The following CLIP1 variants were observed in gnomAD, a reference collection of about 807,000 sequenced individuals.
CLIP1 encodes the protein CAP-Gly domain-containing linker protein 1.
In CLIP1, 66 loss-of-function variants were observed where a neutral mutation model predicts 161.6. That is an observed-to-expected ratio of 0.41 (90% CI 0.33 to 0.50). The LOEUF (loss-of-function observed/expected upper bound fraction) is 0.50, where lower values mean the gene tolerates loss of function less well. CLIP1 is among the 20% of genes least tolerant of loss of function. The pLI is 0.27. For missense variants in CLIP1, 1,376 were observed against 1,702.0 expected, an observed-to-expected ratio of 0.81 and a Z score of 3.37; for synonymous variants, 598 against 626.2, an observed-to-expected ratio of 0.96 and a Z score of 0.67.
At chr12:122,307,153 C>T (rs1950908167) in intron 20 of CLIP1, among the ~76,000 whole-genome samples, 1 of 151,734 alleles carries the variant, frequency 6.6e-6, no homozygotes, top group Non-Finnish European at 1.5e-5. Context: ...GGATTACAGG[C>T]GCCCGCCACC....
intron 8 of CLIP1, among the ~76,000 whole-genome samples, chr12:122,352,336 CG>C (rs1953080100): frequency 6.6e-6 from 1 of 152,122 alleles, no homozygotes; most frequent in Non-Finnish European, 1.5e-5. Flanking sequence ...GGATTACAGG[CG>C]TGAACCACCG....
intron 12 of CLIP1, 51 bp from the exon 13 acceptor site, chr12:122,334,756 G>A (rs1952136775): frequency 8.5e-7 from 1 of 1,174,744 alleles, no homozygotes; most frequent in African/African-American, 1.5e-5. Context: ...AAATTGTAAA[G>A]ACAAGAAGTT....
intron 24 of CLIP1, chr12:122,276,321 T>C: frequency 8.6e-7 from 1 of 1,159,786 alleles, no homozygotes; most frequent in African/African-American, 1.6e-5. Context: ...CATTATCGTG[T>C]TAAGAGCTCC....
rs1416992583 is a variant in CLIP1, at chr12:122,370,967, AAAG to A, written c.657+6419_657+6421del. ...AGCAGGACTCTGTCTCAAAAAAAAA[AAAG>A]AAAAAAAAAAAAATCACCTCTTCTA... On this transcript the variant is annotated intron_variant, in intron 3 of 25. Transcript: ENST00000620786. Among the ~76,000 whole-genome samples the A allele has an allele frequency of 3.4e-3, 387 of 114,304 alleles. 1 individual carries two copies. Among genetic ancestry groups the A allele is most frequent in the African/African-American group, 0.012 (367 of 29,484 alleles). 75.0% of individuals were successfully genotyped at this position (114,304 alleles called of 152,430 possible).
At chr12:122,332,959 CA>C in intron 15 of CLIP1, 27 bp downstream of exon 15, 4 of 1,598,734 alleles carry the variant, frequency 2.5e-6, no homozygotes, top group Non-Finnish European at 3.4e-6. Context: ...AACCTAAGGT[CA>C]GCACTCTTTT....
chr12:122,379,637 A>C (rs1476972534), intron 2 of CLIP1, among the ~76,000 whole-genome samples: 1 of 151,522 alleles, frequency 6.6e-6, no homozygotes, highest in Non-Finnish European at 1.5e-5. Flanking sequence ...ATAAAATTTT[A>C]CGTCTTTCAA....
At chr12:122,325,667 A>AT (rs35659636) in intron 17 of CLIP1, among the ~76,000 whole-genome samples, 82,379 of 151,376 alleles carry the variant, frequency 0.54, 24,010 homozygotes, top group Non-Finnish European at 0.64. Context: ...ATTTTTATTT[A>AT]TTTTTTGAGA....
chr12:122,369,374 C>G (rs955747402), intron 3 of CLIP1, among the ~76,000 whole-genome samples: 4 of 151,904 alleles, frequency 2.6e-5, no homozygotes, highest in Admixed American at 2.6e-4. Context: ...GCCAGTTCAC[C>G]TTCCAGCAAC....
chr12:122,378,983 G>C (rs1954873637), intron 2 of CLIP1, among the ~76,000 whole-genome samples: 1 of 151,930 alleles, frequency 6.6e-6, no homozygotes, highest in Non-Finnish European at 1.5e-5. Context: ...AAATTAGCCG[G>C]GCATGGTGGA....
chr12:122,337,504 G>A (rs567237115), intron 11 of CLIP1, among the ~76,000 whole-genome samples: 2 of 151,724 alleles, frequency 1.3e-5, no homozygotes, highest in East Asian at 1.9e-4. Context: ...GCCCAGGCTG[G>A]TCTCAAACTC....
chr12:122,297,022 C>A (rs1422191416), intron 20 of CLIP1, among the ~76,000 whole-genome samples: 2 of 151,736 alleles, frequency 1.3e-5, no homozygotes, highest in South Asian at 4.2e-4. Context: ...TGAAACTTTT[C>A]ATAATAAAAG....
intron 20 of CLIP1, among the ~76,000 whole-genome samples, chr12:122,299,870 C>T (rs903362972): frequency 1.6e-4 from 24 of 151,568 alleles, no homozygotes; most frequent in African/African-American, 2.7e-4. Context: ...GAGCTGAGAT[C>T]GTGCCACTGC....
At position 122,340,823 on chromosome 12, in the gene CLIP1, C is replaced by CT. The variant is rs773321159; in HGVS notation, c.2380dup (p.Arg794LysfsTer5). On this transcript the variant is annotated frameshift_variant, in exon 11 of 26. Transcript: ENST00000620786. LOFTEE classifies it high-confidence loss of function. ...TTTCTCAGCTGCCTCAAGCTGCTGTCTAAGTTTCTTCATTTCCGATTTACC... is the reference window on the plus strand; with the variant it reads ...TTTCTCAGCTGCCTCAAGCTGCTGTCTTAAGTTTCTTCATTTCCGATTTACC... 1.1e-5 allele frequency: 17 copies of CT among 1,613,782 alleles called. No individual in the cohort carries two copies. The highest frequency in any genetic ancestry group is 1.4e-5 in the Non-Finnish European group (17 of 1,179,924).
At chr12:122,394,421 G>T (rs143390003) in intron 1 of CLIP1, among the ~76,000 whole-genome samples, 3,910 of 149,214 alleles carry the variant, frequency 0.026, 74 homozygotes, top group Middle Eastern at 0.052. Context: ...GCCGGGAAGC[G>T]GAGGTTGCAG....
chr12:122,355,592 T>G lies in CLIP1; in HGVS notation c.1006-280A>C. 1 of 349,080 alleles carries G rather than the reference T, an allele frequency of 2.9e-6. No individual in the cohort carries two copies. The highest frequency in any genetic ancestry group is 5.3e-6 in the Non-Finnish European group (1 of 188,732). The allele number at this position is 349,080 out of a possible 1,614,324, so 21.6% of individuals were successfully genotyped here. A position where few individuals can be genotyped will look rare whatever the true frequency, so the allele number is the denominator to read the frequency against. On this transcript the variant is annotated intron_variant, in intron 5 of 25. Transcript: ENST00000620786. This position sits in a 1 kb window ranked among gnomAD's most constrained non-coding sequence, Gnocchi z 4.1. ...AGGAGGCCAAGGCGGGTGGATCACTTGAGGCCAGGAGTTTGAGACCTGGCC... is the reference window on the plus strand; with the variant it reads ...AGGAGGCCAAGGCGGGTGGATCACTGGAGGCCAGGAGTTTGAGACCTGGCC...
chr12:122,336,026 G>T (rs1280744368), intron 12 of CLIP1, among the ~76,000 whole-genome samples: 1 of 152,022 alleles, frequency 6.6e-6, no homozygotes, highest in East Asian at 1.9e-4. Flanking sequence ...TTTAAACTCG[G>T]GTTTTCAGTG....
chr12:122,346,027 C>G (rs756634365), intron 10 of CLIP1, among the ~76,000 whole-genome samples: 1 of 152,018 alleles, frequency 6.6e-6, no homozygotes, highest in African/African-American at 2.4e-5. Flanking sequence ...CTCAGGTGAT[C>G]CACCCACCTC....
At chr12:122,330,462 G>A (rs1951895442) in intron 15 of CLIP1, among the ~76,000 whole-genome samples, 1 of 152,050 alleles carries the variant, frequency 6.6e-6, no homozygotes, top group Non-Finnish European at 1.5e-5. Context: ...ATTTATAAAT[G>A]TTTGCCTTAT....
chr12:122,405,030 G>C (rs7966324), intron 1 of CLIP1, among the ~76,000 whole-genome samples: 11,861 of 151,978 alleles, frequency 0.078, 1,509 homozygotes, highest in African/African-American at 0.27. Flanking sequence ...ACCACCTCTA[G>C]AGTCAGGTGT....
Sources: allele counts gnomAD v4.1 joint callset (sites outside exome capture counted in the v4.1 genomes callset), GRCh38; gene constraint gnomAD v4.1.1; non-coding constraint Gnocchi (gnomAD v3.1); transcripts MANE v1.5; gene names NCBI Gene and HGNC (gene_info 2026-07-23, HGNC 2026-07-21).